Variants in ADGRG5 observed in about 807,000 individuals in gnomAD.
The protein encoded by ADGRG5 is G protein-coupled receptor 114.
Under a neutral mutation model 53.2 loss-of-function variants are expected in ADGRG5, and 37 were observed. The ratio of observed to expected loss-of-function variants is 0.70; its 90% confidence interval spans 0.53 to 0.91. ADGRG5 has a LOEUF of 0.91. ADGRG5 is among the 40% of genes least tolerant of loss of function. ADGRG5 has a pLI of 0.00. For missense variants in ADGRG5, 614 were observed against 675.8 expected, an observed-to-expected ratio of 0.91 and a Z score of 1.01; for synonymous variants, 277 against 290.4, an observed-to-expected ratio of 0.95 and a Z score of 0.47.
At chr16:57,550,396 T>A (rs1318487437) in intron 1 of ADGRG5, among the ~76,000 whole-genome samples, 1 of 152,222 alleles carries the variant, frequency 6.6e-6, no homozygotes, top group Non-Finnish European at 1.5e-5. Flanking sequence ...TACAATTTTT[T>A]AAAAACATCA....
intron 11 of ADGRG5, 56 bp from the exon 12 acceptor site, chr16:57,575,382 C>G: frequency 1.3e-6 from 2 of 1,529,772 alleles, no homozygotes; most frequent in Non-Finnish European, 1.8e-6. Flanking sequence ...CCAAGGAGAC[C>G]CTGGCCTTTG....
At chr16:57,532,360 C>G in the ADGRG5 span, among the ~76,000 whole-genome samples, 1 of 152,188 alleles carries the variant, frequency 6.6e-6, no homozygotes, top group African/African-American at 2.4e-5. Flanking sequence ...GATCCAGGCT[C>G]TGGTTCCATG....
rs115132653 is a variant in ADGRG5 at position 57,562,406 on chromosome 16, C to T, written c.87C>T (p.Ser29=). 1 of 1,607,918 alleles carries T rather than the reference C, an allele frequency of 6.2e-7. No homozygotes were observed. The highest frequency in any genetic ancestry group is 8.5e-7 in the Non-Finnish European group (1 of 1,177,670). The change falls in exon 3 of 12, where the codon AGC becomes AGT. Residue 29 remains serine, a synonymous_variant. Transcript: ENST00000349457. ...ATTETWEELL[S]YMENMQVSRG... ...CAGAGACATGGGAAGAACTCCTGAG[C>T]TACATGGAGAATATGCAGGTGTCCA...
intron 1 of ADGRG5, among the ~76,000 whole-genome samples, chr16:57,550,815 G>C (rs2032730947): frequency 6.6e-6 from 1 of 152,148 alleles, no homozygotes; most frequent in Non-Finnish European, 1.5e-5. Context: ...GGATCATGAG[G>C]TCAGGAGATC....
In ADGRG5 at chr16:57,577,151, C is replaced by T. The variant is rs2033537929; in HGVS notation, c.*1613C>T. ...ATTTTGAAGACTAAGTAAAAGAATTCAAATAAAGAGACTTGGCACAGAGTA... is the reference window on the plus strand; with the variant it reads ...ATTTTGAAGACTAAGTAAAAGAATTTAAATAAAGAGACTTGGCACAGAGTA... On this transcript the variant is annotated 3_prime_UTR_variant, in exon 12 of 12. Transcript: ENST00000349457. 6.6e-6 allele frequency: 1 copy of T among 152,182 alleles called. No individual in the cohort carries two copies. The highest frequency in any genetic ancestry group is 2.4e-5 in the African/African-American group (1 of 41,422). 9.4% of individuals were successfully genotyped at this position (152,182 alleles called of 1,614,324 possible).
At position 57,565,045 on chromosome 16, in the gene ADGRG5, C is replaced by T. The variant is rs761923326; in HGVS notation, c.441C>T (p.Asn147=). Residue 147 remains asparagine (N), a synonymous_variant, in exon 6 of 12, where the codon AAC becomes AAT. Coordinates refer to ENST00000349457, the MANE Select transcript of ADGRG5 (RefSeq NM_001304376.3). ...TGCTGCCCTTCCAGGATGAAAACAA[C>T]TCATCTCTGCTGAATAACTACGTCC... ...SNTHFFKDEN[N]SSLLNNYVLG... is the part of the protein sequence containing the mutation. 6 of 1,611,484 alleles carry T rather than the reference C, an allele frequency of 3.7e-6. No homozygotes were observed. Among genetic ancestry groups the T allele is most frequent in the Non-Finnish European group, 5.1e-6 (6 of 1,177,770 alleles).
intron 6 of ADGRG5, chr16:57,565,466 C>T: frequency 4.8e-6 from 2 of 414,436 alleles, no homozygotes; most frequent in Non-Finnish European, 8.5e-6. Flanking sequence ...GATCTGATGC[C>T]CTTGTGGCTC....
At chr16:57,573,125 G>C (rs2033406827) in intron 10 of ADGRG5, among the ~76,000 whole-genome samples, 3 of 152,094 alleles carry the variant, frequency 2.0e-5, no homozygotes, top group African/African-American at 7.2e-5. Flanking sequence ...CAGGTTCTTG[G>C]CGTCTTGAAC....
At chr16:57,568,899 C>A (rs2033237557) in intron 9 of ADGRG5, among the ~76,000 whole-genome samples, 2 of 151,560 alleles carry the variant, frequency 1.3e-5, no homozygotes, top group African/African-American at 4.8e-5. Context: ...CCTCTATCAC[C>A]TCCGTGATCA....
intron 1 of ADGRG5, among the ~76,000 whole-genome samples, chr16:57,550,253 C>CA (rs2032715885): frequency 6.6e-6 from 1 of 152,230 alleles, no homozygotes; most frequent in Non-Finnish European, 1.5e-5. Flanking sequence ...GCTGGGATTA[C>CA]AGGCATGAGC....
chr16:57,539,538 G>C (rs1489481228), upstream of ADGRG5, among the ~76,000 whole-genome samples: 1 of 146,330 alleles, frequency 6.8e-6, no homozygotes, highest in Non-Finnish European at 1.5e-5. Context: ...CTGCAGCCTC[G>C]ACCTCCTGGG....
upstream of ADGRG5, among the ~76,000 whole-genome samples, chr16:57,541,210 AC>A (rs2032484030): frequency 6.6e-6 from 1 of 152,226 alleles, no homozygotes; most frequent in South Asian, 2.1e-4. Context: ...TGAGGCTGGT[AC>A]AGACCCAGGC....
chr16:57,534,761 G>A, the ADGRG5 span, among the ~76,000 whole-genome samples: 1 of 152,182 alleles, frequency 6.6e-6, no homozygotes, highest in Non-Finnish European at 1.5e-5. Flanking sequence ...GGAGTCAGTC[G>A]GTGGCCAGGC....
intron 1 of ADGRG5, among the ~76,000 whole-genome samples, chr16:57,544,030 C>T (rs947445870): frequency 6.6e-6 from 1 of 152,196 alleles, no homozygotes; most frequent in South Asian, 2.1e-4. Flanking sequence ...CTTCCAAAGG[C>T]TCTGTCCTGT....
At chr16:57,561,841 G>T (rs12924879) in intron 1 of ADGRG5, among the ~76,000 whole-genome samples, 14 of 152,228 alleles carry the variant, frequency 9.2e-5, no homozygotes, top group Middle Eastern at 3.4e-3. Flanking sequence ...GCCATTACTT[G>T]GTGGTCAAGG....
At chr16:57,534,817 AAG>A in the ADGRG5 span, among the ~76,000 whole-genome samples, 1 of 152,188 alleles carries the variant, frequency 6.6e-6, no homozygotes, top group Non-Finnish European at 1.5e-5. Flanking sequence ...GGGTTGGAAT[AAG>A]AGGTCATCTC....
intron 10 of ADGRG5, among the ~76,000 whole-genome samples, chr16:57,571,259 G>A (rs1433780360): frequency 6.6e-6 from 1 of 152,138 alleles, no homozygotes; most frequent in East Asian, 1.9e-4. Flanking sequence ...GTATCAGCTG[G>A]CTTCGTTTTC....
chr16:57,537,037 T>C, the ADGRG5 span, among the ~76,000 whole-genome samples: 33 of 152,162 alleles, frequency 2.2e-4, no homozygotes, highest in African/African-American at 7.7e-4. Context: ...CCTCAGTTTC[T>C]CTTTCTGTAC....
chr16:57,562,239 G>A, intron 2 of ADGRG5, 82 bp downstream of exon 2: 1 of 1,491,454 alleles, frequency 6.7e-7, no homozygotes, highest in Non-Finnish European at 9.2e-7. Context: ...TCAAACCATG[G>A]GAGATTGAAA....
Sources: allele counts gnomAD v4.1 joint callset (sites outside exome capture counted in the v4.1 genomes callset), GRCh38; gene constraint gnomAD v4.1.1; transcripts MANE v1.5; gene names NCBI Gene and HGNC (gene_info 2026-07-23, HGNC 2026-07-21).